Variants in CALN1 observed in about 807,000 individuals in gnomAD.
CALN1 encodes calneuron 1, also known as calcium-binding protein 8.
Under a neutral mutation model 30.6 loss-of-function variants are expected in CALN1, and 17 were observed. The ratio of observed to expected loss-of-function variants is 0.56; its 90% CI spans 0.38 to 0.83. CALN1 has a LOEUF of 0.83. Among genes scored for constraint, CALN1 ranks in the 40% least tolerant of loss-of-function variants. The pLI is 0.00. For synonymous variants in CALN1, 156 were observed against 131.4 expected, an observed-to-expected ratio of 1.19 and a Z score of -1.28; for missense variants, 291 against 354.9, an observed-to-expected ratio of 0.82 and a Z score of 1.45.
chr7:71,965,978 T>C (rs1352762703), intron 5 of CALN1, among the ~76,000 whole-genome samples: 4 of 152,164 alleles, frequency 2.6e-5, no homozygotes, highest in Non-Finnish European at 5.9e-5. Flanking sequence ...ACACCACACT[T>C]CTGCCCTCCA....
chr7:72,344,103 G>A (rs115142541), intron 2 of CALN1, among the ~76,000 whole-genome samples: 2,064 of 152,080 alleles, frequency 0.014, 60 homozygotes, highest in African/African-American at 0.047. Flanking sequence ...TGAGTGCAGT[G>A]GCTTGATTTC....
At chr7:72,154,583 C>T (rs1420901821) in intron 3 of CALN1, among the ~76,000 whole-genome samples, 2 of 152,156 alleles carry the variant, frequency 1.3e-5, no homozygotes, top group South Asian at 2.1e-4. Context: ...GCCTGAGAAA[C>T]CTTTACCCTT....
Position 72,399,067 on chromosome 7 carries a change from A to T in CALN1, c.119+4184T>A, listed in dbSNP as rs191906972. Among the ~76,000 whole-genome samples the T allele has an allele frequency of 8.8e-4, 134 of 152,198 alleles. 1 individual carries two copies. The highest frequency in any genetic ancestry group is 1.4e-3 in the Non-Finnish European group (97 of 68,008). On this transcript the variant is annotated intron_variant, in intron 2 of 6. Coordinates refer to ENST00000395275, the MANE Select transcript of CALN1 (RefSeq NM_031468.4). Reference sequence around the variant, plus strand: ...TGAGAAAAAGGAGTAGAAGAGAAGGAGGTCACCATCTACAGGTCACCTCCT... The same window carrying T: ...TGAGAAAAAGGAGTAGAAGAGAAGGTGGTCACCATCTACAGGTCACCTCCT...
chr7:72,419,739 C>T (rs1807547645), intron 1 of CALN1, among the ~76,000 whole-genome samples: 1 of 152,150 alleles, frequency 6.6e-6, no homozygotes, highest in Non-Finnish European at 1.5e-5. Flanking sequence ...GGCTGACCGG[C>T]AAGGATACAA....
chr7:72,169,181 G>A (rs554677991), intron 3 of CALN1, among the ~76,000 whole-genome samples: 25 of 152,048 alleles, frequency 1.6e-4, no homozygotes, highest in African/African-American at 4.1e-4. Flanking sequence ...AGTATTGAAT[G>A]AAGGACCAGA....
chr7:72,149,194 A>G (rs1245107224), intron 3 of CALN1, among the ~76,000 whole-genome samples: 1 of 151,718 alleles, frequency 6.6e-6, no homozygotes, highest in Admixed American at 6.6e-5. Context: ...GGCCAGGCAC[A>G]GCGGCTCGCA....
chr7:72,201,464 A>C (rs1011671779), intron 3 of CALN1, among the ~76,000 whole-genome samples: 1 of 151,846 alleles, frequency 6.6e-6, no homozygotes, highest in Non-Finnish European at 1.5e-5. Context: ...GGTGGTGCGC[A>C]CCTATAATCC....
chr7:72,434,764 C>T (rs1808094023), intron 1 of CALN1, among the ~76,000 whole-genome samples: 1 of 152,204 alleles, frequency 6.6e-6, no homozygotes, highest in Non-Finnish European at 1.5e-5. Flanking sequence ...GAGTAAACAT[C>T]ATCCTCCAAC....
chr7:72,091,982 T>C (rs1044463176), intron 4 of CALN1, among the ~76,000 whole-genome samples: 2 of 152,248 alleles, frequency 1.3e-5, no homozygotes, highest in East Asian at 1.9e-4. Context: ...TTCAATAATT[T>C]ACATTTTTCC....
intron 3 of CALN1, among the ~76,000 whole-genome samples, chr7:72,264,910 T>C (rs1796509940): frequency 1.3e-5 from 2 of 152,182 alleles, no homozygotes; most frequent in Non-Finnish European, 2.9e-5. Context: ...ATCATTTAGC[T>C]CCAGATTACA....
chr7:72,329,421 A>C (rs1432844089), intron 2 of CALN1, among the ~76,000 whole-genome samples: 2 of 152,198 alleles, frequency 1.3e-5, no homozygotes, highest in African/African-American at 4.8e-5. Context: ...AGTGGCTTCT[A>C]CTGAACTCAG....
intron 3 of CALN1, among the ~76,000 whole-genome samples, chr7:72,260,692 A>AC (rs1796205787): frequency 6.6e-6 from 1 of 152,064 alleles, no homozygotes. Context: ...TGGCTAAGCC[A>AC]TTGCACTTGG....
intron 3 of CALN1, among the ~76,000 whole-genome samples, chr7:72,268,307 G>T (rs142717297): frequency 1.6e-4 from 24 of 152,100 alleles, no homozygotes; most frequent in African/African-American, 5.5e-4. Context: ...TCGTGTGGAG[G>T]GTAAGCAGGG....
chr7:72,212,328 C>A (rs1792468348), intron 3 of CALN1, among the ~76,000 whole-genome samples: 1 of 126,072 alleles, frequency 7.9e-6, no homozygotes, highest in Non-Finnish European at 1.6e-5. Flanking sequence ...CCAGCCTGGG[C>A]AACAGAGCAA....
At chr7:72,052,004 T>C (rs1802865517) in intron 4 of CALN1, among the ~76,000 whole-genome samples, 2 of 152,324 alleles carry the variant, frequency 1.3e-5, no homozygotes, top group South Asian at 4.1e-4. Context: ...TTTTATTCAA[T>C]GTTGTTTTCT....
chr7:72,421,027 G>A (rs527862235), intron 1 of CALN1, among the ~76,000 whole-genome samples: 27 of 152,084 alleles, frequency 1.8e-4, no homozygotes, highest in African/African-American at 4.3e-4. Flanking sequence ...CTAGAAACCC[G>A]GGCAGGTTCT....
At chr7:72,284,278 G>C (rs922810646) in intron 2 of CALN1, among the ~76,000 whole-genome samples, 1 of 152,200 alleles carries the variant, frequency 6.6e-6, no homozygotes, top group African/African-American at 2.4e-5. Flanking sequence ...CTGGGCAACA[G>C]AGGGAGACCT....
At chr7:72,144,183 A>G (rs1355589433) in intron 3 of CALN1, among the ~76,000 whole-genome samples, 2 of 152,184 alleles carry the variant, frequency 1.3e-5, no homozygotes, top group Non-Finnish European at 2.9e-5. Context: ...AGACTGGCAA[A>G]TTGGATAAAG....
chr7:72,125,499 G>A (rs1212979100), intron 3 of CALN1, among the ~76,000 whole-genome samples: 2 of 152,180 alleles, frequency 1.3e-5, no homozygotes, highest in African/African-American at 2.4e-5. Flanking sequence ...ATAACATGGT[G>A]TATAGAAAAG....
Sources: allele counts gnomAD v4.1 joint callset (sites outside exome capture counted in the v4.1 genomes callset), GRCh38; gene constraint gnomAD v4.1.1; transcripts MANE v1.5; gene names NCBI Gene and HGNC (gene_info 2026-07-23, HGNC 2026-07-21).